Variants in CP observed in about 807,000 individuals in gnomAD.
CP encodes the protein caeruloplasmin.
A neutral mutation model predicts 122.4 loss-of-function variants in CP; 64 were observed. That is an observed-to-expected ratio of 0.52 (90% CI 0.43 to 0.64). CP has a LOEUF of 0.64. CP is among the 30% of genes least tolerant of loss of function. The probability of loss-of-function intolerance (pLI) is 0.00; values close to 1 mark genes in which losing one functional copy is unlikely to be tolerated. For missense variants in CP, 1,167 were observed against 1,284.4 expected, an observed-to-expected ratio of 0.91 and a Z score of 1.40; for synonymous variants, 440 against 436.4, an observed-to-expected ratio of 1.01 and a Z score of -0.10.
chr3:149,171,133 C>T (rs1384459807), downstream of CP, among the ~76,000 whole-genome samples: 3 of 152,156 alleles, frequency 2.0e-5, no homozygotes, highest in East Asian at 5.8e-4. Context: ...CAAAAATTAG[C>T]TGGACGTGGT....
In CP at chr3:149,167,143, G is replaced by A. The variant is rs202157837; in HGVS notation, c.587-1093C>T. On this transcript the variant is annotated intron_variant, in intron 4 of 5. Transcript: ENST00000479771. ...AGTGTCCATGTTCTGTGTCGTACAC[G>A]CTTGAAAGAGTATGAACAGTGCATA... The A allele has an allele frequency of 7.4e-6, 12 of 1,613,850 alleles. No homozygotes were observed. In the East Asian group the frequency reaches 8.9e-5, roughly 12 times the overall value.
At chr3:149,192,493 C>CA (rs11451281) in intron 9 of CP, among the ~76,000 whole-genome samples, 70,117 of 143,556 alleles carry the variant, frequency 0.49, 16,857 homozygotes, top group East Asian at 0.55. Flanking sequence ...ATACAAAAGG[C>CA]AAAAAAAAAA....
At chr3:149,195,764 G>T (rs1726859784) in intron 9 of CP, among the ~76,000 whole-genome samples, 1 of 151,952 alleles carries the variant, frequency 6.6e-6, no homozygotes, top group South Asian at 2.1e-4. Flanking sequence ...TACTCAGGAG[G>T]CTGAGGCAGA....
At position 149,199,787 on chromosome 3, in the gene CP, C is replaced by T. The variant is rs1197002943; in HGVS notation, c.1426G>A (p.Glu476Lys). The change falls in exon 8 of 19, where the codon GAG becomes AAG. Residue 476 changes from glutamate to lysine, a missense_variant. Glu to Lys is a moderately conservative substitution (Grantham distance 56). This residue lies in a region of CP where 642 missense variants were observed against 627.3 expected (regional missense o/e 1.02). Transcript: ENST00000264613. The stretch of plus-strand genomic sequence containing the variant: ...TTATTGAATCTCACCCCAATCGGCT[C>T]AATACTGAGGGGATATGCTCCTTTG... ...HNKGAYPLSI[E>K]PIGVRFNKNN... 5 of 1,614,034 alleles carry T rather than the reference C, an allele frequency of 3.1e-6. No homozygotes were observed. The highest frequency in any genetic ancestry group is 1.1e-5 in the South Asian group (1 of 91,080).
rs554640428 is a variant in CP at position 149,216,198 on chromosome 3, T to C, written c.147-3500A>G. Among the ~76,000 whole-genome samples, 12 of 152,312 alleles carry C rather than the reference T, an allele frequency of 7.9e-5. No individual in the cohort carries two copies. The East Asian group carries it at 2.3e-3, about 29-fold the overall frequency. On this transcript the variant is annotated intron_variant, in intron 1 of 18. Coordinates refer to ENST00000264613, the MANE Select transcript of CP (RefSeq NM_000096.4). ...ACCCATTTATAATCTCACTATTCTA[T>C]GGGTCAGAGTCTGGCATGGTGTGGC...
At chr3:149,219,328 G>T (rs2108317323) in intron 1 of CP, among the ~76,000 whole-genome samples, 1 of 152,232 alleles carries the variant, frequency 6.6e-6, no homozygotes, top group Non-Finnish European at 1.5e-5. Context: ...TACTTTTTAA[G>T]TAACTGATAT....
chr3:149,191,088 G>T (rs1050211147), intron 9 of CP, among the ~76,000 whole-genome samples: 1 of 152,098 alleles, frequency 6.6e-6, no homozygotes, highest in African/African-American at 2.4e-5. Flanking sequence ...AATCTAAAAA[G>T]AAATTTTTGT....
At chr3:149,168,259 G>T (rs1421603773), downstream of CP, 2 of 381,822 alleles carry the variant, frequency 5.2e-6, no homozygotes, top group Non-Finnish European at 9.7e-6. Flanking sequence ...GTTTTAAAAT[G>T]TGAGTAGTCA....
In CP at chr3:149,212,653, C is replaced by T; in HGVS notation, c.192G>A (p.Gly64=). 1 of 1,613,824 alleles carries T rather than the reference C, an allele frequency of 6.2e-7. No homozygotes were observed. Residue 64 remains glycine (G), a synonymous_variant, in exon 2 of 19, where the codon GGG becomes GGA. Coordinates refer to ENST00000264613, the MANE Select transcript of CP (RefSeq NM_000096.4). ...IYLQNGPDRI[G]RLYKKALYLQ... is the part of the protein sequence containing the mutation. ...GATAAAGGGCCTTCTTATATAGTCT[C>T]CCAATTCTATCTGGGCCATTTTGAA...
At position 149,199,842 on chromosome 3, in the gene CP, C is replaced by T; in HGVS notation, c.1371G>A (p.Val457=). The T allele has an allele frequency of 1.2e-6, 2 of 1,614,116 alleles. No individual in the cohort carries two copies. Among genetic ancestry groups the T allele is most frequent in the Non-Finnish European group, 1.7e-6 (2 of 1,179,988 alleles). The change falls in exon 8 of 19, where the codon GTG becomes GTA. Residue 457 remains valine, a synonymous_variant. Transcript: ENST00000264613. ...GGAAGGTTACTCTGATGGTGTCTCCCACCTCTGCCCAAATGACAGGACCTG... is the reference window on the plus strand; with the variant it reads ...GGAAGGTTACTCTGATGGTGTCTCCTACCTCTGCCCAAATGACAGGACCTG... ...GILGPVIWAE[V]GDTIRVTFHN...
intron 3 of CP, among the ~76,000 whole-genome samples, chr3:149,209,874 G>A (rs1024562960): frequency 5.9e-5 from 9 of 152,140 alleles, no homozygotes; most frequent in African/African-American, 2.2e-4. Context: ...ATTTGGTAAA[G>A]TCATATGTCT....
intron 5 of CP, 76 bp from the exon 6 acceptor site, chr3:149,206,415 G>T: frequency 6.6e-7 from 1 of 1,525,684 alleles, no homozygotes; most frequent in Non-Finnish European, 9.1e-7. Context: ...AACACTGCTC[G>T]GGTGATGACA....
chr3:149,181,973 T>TGCGGGGGGGGGGGGGGGGG, intron 14 of CP, 32 bp downstream of exon 14: 3 of 1,375,574 alleles, frequency 2.2e-6, no homozygotes, highest in Non-Finnish European at 3.1e-6. Flanking sequence ...CCTGTTAAAA[T>TGCGGGGGGGGGGGGGGGGG]GCACCACCCC....
In CP at chr3:149,194,138, T is replaced by C. The variant is rs1032799134; in HGVS notation, c.1713+4229A>G. 3.0e-4 allele frequency among the ~76,000 whole-genome samples: 46 copies of C among 152,320 alleles called. 1 individual carries two copies. The highest frequency in any genetic ancestry group is 1.1e-3 in the African/African-American group (45 of 41,582). ...GAGAGAGTTTAATAAACATTAGTCT[T>C]GTTTTATTCCTTCCAAAGTAAGCAC... On this transcript the variant is annotated intron_variant, in intron 9 of 18. Transcript: ENST00000264613.
chr3:149,175,652 T>C (rs1230052328), intron 18 of CP, among the ~76,000 whole-genome samples: 1 of 146,668 alleles, frequency 6.8e-6, no homozygotes, highest in African/African-American at 2.5e-5. Flanking sequence ...CTGTTCATTT[T>C]TCTCCATTTT....
chr3:149,168,062 A>T (rs559215939), downstream of CP: 8 of 902,054 alleles, frequency 8.9e-6, no homozygotes, highest in Middle Eastern at 3.0e-4. Flanking sequence ...AAGTATTTTC[A>T]TGTGATTCTC....
At chr3:149,165,806 T>C (rs1264519130) in intron 5 of CP, 5 of 332,594 alleles carry the variant, frequency 1.5e-5, no homozygotes, top group South Asian at 4.8e-5. Context: ...GAGTTAAATA[T>C]AGAGGTAATC....
intron 4 of CP, among the ~76,000 whole-genome samples, chr3:149,166,847 A>T (rs1724473979): frequency 6.6e-6 from 1 of 152,212 alleles, no homozygotes; most frequent in Non-Finnish European, 1.5e-5. Flanking sequence ...TTTAAACTAG[A>T]GGTAGTTTCA....
chr3:149,212,773 C>T, intron 1 of CP, 75 bp from the exon 2 acceptor site: 2 of 1,491,292 alleles, frequency 1.3e-6, no homozygotes, highest in Middle Eastern at 2.2e-4. Flanking sequence ...AATTTAATAA[C>T]ATTATAATTA....
Sources: gnomAD v4.1 joint callset for allele counts (sites outside exome capture counted in the v4.1 genomes callset) on GRCh38, gnomAD v4.1.1 for gene constraint, gnomAD v4.1.1 regional missense constraint, MANE v1.5 for transcripts, NCBI Gene and HGNC (gene_info 2026-07-23, HGNC 2026-07-21) for gene names.